PPP1R12B: variants seen among roughly 807,000 people sequenced by gnomAD.
PPP1R12B encodes the protein myosin phosphatase target subunit 2.
PPP1R12B carries 76 observed loss-of-function variants against 126.1 expected under a neutral mutation model. The ratio of observed to expected loss-of-function variants is 0.60; its 90% CI spans 0.50 to 0.73. The LOEUF is 0.73. Ranked by LOEUF, PPP1R12B falls within the 30% of genes least tolerant of loss-of-function variation. The pLI is 0.00. For missense variants in PPP1R12B, 1,052 were observed against 1,205.1 expected (o/e 0.87, Z 1.88); for synonymous variants, 356 against 434.7 (o/e 0.82, Z 2.25).
chr1:202,380,474 T>A (rs1662066199), intron 1 of PPP1R12B, among the ~76,000 whole-genome samples: 1 of 152,202 alleles, frequency 6.6e-6, no homozygotes, highest in Non-Finnish European at 1.5e-5. Flanking sequence ...TTGAAACAAT[T>A]TCTGTGAACA....
At chr1:202,373,604 C>T (rs998758054) in intron 1 of PPP1R12B, among the ~76,000 whole-genome samples, 1 of 151,704 alleles carries the variant, frequency 6.6e-6, no homozygotes, top group Non-Finnish European at 1.5e-5. Flanking sequence ...ATTGTCAGGT[C>T]TTCATTTTTA....
At chr1:202,393,461 A>G (rs1664453551) in intron 1 of PPP1R12B, among the ~76,000 whole-genome samples, 1 of 151,952 alleles carries the variant, frequency 6.6e-6, no homozygotes, top group Non-Finnish European at 1.5e-5. Context: ...AACCAAAAGA[A>G]TTAGTTCTTT....
chr1:202,452,321 G>A (rs1201563550), intron 13 of PPP1R12B, among the ~76,000 whole-genome samples: 4 of 152,214 alleles, frequency 2.6e-5, no homozygotes, highest in Non-Finnish European at 1.5e-5. Context: ...GCCAAGGCTG[G>A]CGGATCACTC....
chr1:202,354,770 C>T (rs1385620717), intron 1 of PPP1R12B, among the ~76,000 whole-genome samples: 1 of 151,522 alleles, frequency 6.6e-6, no homozygotes, highest in African/African-American at 2.4e-5. Context: ...GCCGTAGCCT[C>T]CTGAGTAGCT....
intron 13 of PPP1R12B, among the ~76,000 whole-genome samples, chr1:202,476,582 C>T (rs917893888): frequency 2.0e-5 from 3 of 151,430 alleles, no homozygotes; most frequent in African/African-American, 7.3e-5. Flanking sequence ...ACTCGGGAGG[C>T]TGAGGGAGGA....
intron 13 of PPP1R12B, among the ~76,000 whole-genome samples, chr1:202,484,184 C>T (rs891316332): frequency 1.6e-4 from 24 of 151,878 alleles, no homozygotes; most frequent in Middle Eastern, 3.4e-3. Flanking sequence ...ATAGATCCTT[C>T]GTTCCTTTCT....
chr1:202,575,458 C>T (rs1033657857), intron 23 of PPP1R12B: 6 of 271,560 alleles, frequency 2.2e-5, no homozygotes, highest in South Asian at 8.5e-5. Context: ...TAGGTATACA[C>T]GTGTATGTGC....
chr1:202,439,778 C>G (rs908838855), intron 10 of PPP1R12B: 5 of 482,570 alleles, frequency 1.0e-5, no homozygotes, highest in African/African-American at 9.8e-5. Context: ...CTCATTCCTT[C>G]AGACCCACTT....
rs577502404 is a variant in PPP1R12B, at chr1:202,581,212, A to T, written c.*652A>T. Reference sequence around the variant, plus strand: ...CTCCCTCATACCTAGCCATTTCTCCAAGGCGCAAATGGCCCTGGCTTCATT... The same window carrying T: ...CTCCCTCATACCTAGCCATTTCTCCTAGGCGCAAATGGCCCTGGCTTCATT... On this transcript the variant is annotated 3_prime_UTR_variant, in exon 24 of 24. Transcript: ENST00000608999. 1.2e-4 allele frequency: 18 copies of T among 152,816 alleles called. No individual in the cohort carries two copies. Among genetic ancestry groups the T allele is most frequent in the African/African-American group, 4.1e-4 (17 of 41,566 alleles). 9.5% of individuals were successfully genotyped at this position (152,816 alleles called of 1,614,324 possible). A position where few individuals can be genotyped will look rare whatever the true frequency, so the allele number is the denominator to read the frequency against.
chr1:202,475,879 CT>C (rs1676576507), intron 13 of PPP1R12B, among the ~76,000 whole-genome samples: 2 of 151,714 alleles, frequency 1.3e-5, no homozygotes, highest in African/African-American at 4.9e-5. Context: ...CTCTGAAGAA[CT>C]TTTGTCGATG....
In PPP1R12B at chr1:202,397,432, G is replaced by C. The variant is rs1429861603; in HGVS notation, c.292-19355G>C. On this transcript the variant is annotated intron_variant, in intron 1 of 23. Transcript: ENST00000608999. ...ATGCTAGAATTTCTCATAGCTTTGTGGTAGGTTGTCTTTTCACACTACTCT... is the reference window on the plus strand; with the variant it reads ...ATGCTAGAATTTCTCATAGCTTTGTCGTAGGTTGTCTTTTCACACTACTCT... Among the ~76,000 whole-genome samples, 4 of 152,258 alleles carry C rather than the reference G, an allele frequency of 2.6e-5. No homozygotes were observed. The South Asian group carries it at 8.3e-4, about 32-fold the overall frequency.
rs764661817 is a variant in PPP1R12B at position 202,540,231 on chromosome 1, A to G, written c.2491-18646A>G. The G allele has an allele frequency of 4.4e-6, 7 of 1,600,114 alleles. No individual in the cohort carries two copies. The South Asian group carries it at 6.6e-5, about 15-fold the overall frequency. On this transcript the variant is annotated intron_variant, in intron 18 of 23. Coordinates refer to ENST00000608999, the MANE Select transcript of PPP1R12B (RefSeq NM_002481.4). Reference sequence around the variant, plus strand: ...CCAGCATCTCCCTCCCCGACTGCCAAGACGCTCCGAGTAAGCAGCATTTTT... The same window carrying G: ...CCAGCATCTCCCTCCCCGACTGCCAGGACGCTCCGAGTAAGCAGCATTTTT...
At position 202,520,567 on chromosome 1, in the gene PPP1R12B, T is replaced by G. The variant is rs1284756321; in HGVS notation, c.2490+23745T>G. Among the ~76,000 whole-genome samples the G allele has an allele frequency of 3.3e-5, 5 of 152,228 alleles. No individual in the cohort carries two copies. In the South Asian group the frequency reaches 6.2e-4, roughly 19 times the overall value. On this transcript the variant is annotated intron_variant, in intron 18 of 23. Coordinates refer to ENST00000608999, the MANE Select transcript of PPP1R12B (RefSeq NM_002481.4). The stretch of plus-strand genomic sequence containing the variant: ...CTTCCATTTCTGATTTCCTAGTACA[T>G]CTATTATTTATTTCAATGTAAACAA...
intron 13 of PPP1R12B, among the ~76,000 whole-genome samples, chr1:202,481,789 A>G (rs1452180368): frequency 1.3e-5 from 2 of 152,160 alleles, no homozygotes. Context: ...TTTTAACCAT[A>G]GTCACCTTAC....
chr1:202,568,188 A>G (rs768724539), intron 22 of PPP1R12B, among the ~76,000 whole-genome samples: 4 of 151,982 alleles, frequency 2.6e-5, no homozygotes, highest in Non-Finnish European at 5.9e-5. Context: ...ACACACACAC[A>G]CACACACACA....
intron 13 of PPP1R12B, among the ~76,000 whole-genome samples, chr1:202,460,182 T>G (rs1674137972): frequency 6.6e-6 from 1 of 152,210 alleles, no homozygotes; most frequent in South Asian, 2.1e-4. Context: ...AATTGTGCTC[T>G]TTCTTTTCTT....
At position 202,589,400 on chromosome 1, in the gene PPP1R12B, C is replaced by T. The variant is rs1690022695; in HGVS notation, c.*8840C>T. The T allele has an allele frequency of 6.6e-6, 1 of 152,186 alleles. No individual in the cohort carries two copies. The allele number at this position is 152,186 out of a possible 1,614,324, so 9.4% of individuals were successfully genotyped here. A position where few individuals can be genotyped will look rare whatever the true frequency, so the allele number is the denominator to read the frequency against. ...AGGTCAGGGAGGGAAGATTCTTCTC[C>T]CCTGATGTCACCCAGCTGTTTGTAA... On this transcript the variant is annotated 3_prime_UTR_variant, in exon 24 of 24. Transcript: ENST00000608999.
chr1:202,348,989 GACCAGGCGCGGGAGC>G lies in PPP1R12B; in HGVS notation c.139_153del (p.Thr47_Ser51del), dbSNP rs571949628. On this transcript the variant is annotated inframe_deletion, in exon 1 of 24. Transcript: ENST00000608999. ...GACGAGGCGCGGGGCGGCAGCCGCT[GACCAGGCGCGGGAGC>G]CCCAGGGTCCGCTTCGAGGACGGTG... 31 of 1,605,964 alleles carry G rather than the reference GACCAGGCGCGGGAGC, an allele frequency of 1.9e-5. No individual in the cohort carries two copies. The highest frequency in any genetic ancestry group is 3.3e-4 in the Middle Eastern group (2 of 5,992).
Position 202,495,457 on chromosome 1 carries a change from A to C in PPP1R12B, c.2310A>C (p.Thr770=). The part of the protein sequence containing the change: ...SESSETTTNT[T]TAKEMDKNEN... Reference sequence around the variant, plus strand: ...GTTCAGAGACTACCACAAACACTACAACTGCAAAGGAAATGGACAAAAATG... The same window carrying C: ...GTTCAGAGACTACCACAAACACTACCACTGCAAAGGAAATGGACAAAAATG... The change falls in exon 16 of 24, where the codon ACA becomes ACC. Residue 770 remains threonine (T), a synonymous_variant. Coordinates refer to ENST00000608999, the MANE Select transcript of PPP1R12B (RefSeq NM_002481.4). The C allele has an allele frequency of 6.2e-7, 1 of 1,607,924 alleles. No individual in the cohort carries two copies. The highest frequency in any genetic ancestry group is 8.5e-7 in the Non-Finnish European group (1 of 1,177,048).
Sources: allele counts gnomAD v4.1 joint callset (sites outside exome capture counted in the v4.1 genomes callset), GRCh38; gene constraint gnomAD v4.1.1; transcripts MANE v1.5; gene names NCBI Gene and HGNC (gene_info 2026-07-23, HGNC 2026-07-21).